Variants in GPR62 observed in about 807,000 individuals in gnomAD.
The protein encoded by GPR62 is G-protein coupled receptor GPCR8.
For synonymous variants in GPR62, 280 were observed against 286.9 expected (o/e 0.98, Z 0.24); for missense variants, 513 against 541.5 (o/e 0.95, Z 0.52).
At position 51,955,663 on chromosome 3, in the gene GPR62, C is replaced by T; in HGVS notation, c.11C>T (p.Ser4Phe). MAN[S>F]TGLNASEVAG... ...AGCCTGAGAGCCCAAATGGCCAACT[C>T]CACAGGGCTGAACGCCTCAGAAGTC... The change falls in exon 1 of 1, where the codon TCC becomes TTC. Residue 4 changes from serine to phenylalanine, a missense_variant. Physicochemically the swap from Ser to Phe is radical, Grantham distance 155. Transcript: ENST00000322241. The T allele has an allele frequency of 6.2e-7, 1 of 1,603,472 alleles. No individual in the cohort carries two copies. Among genetic ancestry groups the T allele is most frequent in the Non-Finnish European group, 8.5e-7 (1 of 1,174,652 alleles).
Position 51,955,633 on chromosome 3 carries a change from G to C in GPR62, c.-20G>C, listed in dbSNP as rs754321288. On this transcript the variant is annotated 5_prime_UTR_variant, in exon 1 of 1. Transcript: ENST00000322241. The stretch of plus-strand genomic sequence containing the variant: ...TTCTGCCATCTACATCCCAGCGCAG[G>C]GTGAAGCCTGAGAGCCCAAATGGCC... 1 of 1,556,280 alleles carries C rather than the reference G, an allele frequency of 6.4e-7. No individual in the cohort carries two copies. Among genetic ancestry groups the C allele is most frequent in the Non-Finnish European group, 8.7e-7 (1 of 1,147,982 alleles).
Position 51,956,017 on chromosome 3 carries a change from G to A in GPR62, c.365G>A (p.Arg122Gln), listed in dbSNP as rs1192106549. The change falls in exon 1 of 1, where the codon CGG (arginine) becomes CAG (glutamine). Residue 122 changes from arginine to glutamine, a missense_variant. Arg to Gln is a conservative substitution (Grantham distance 43, BLOSUM62 1). Coordinates refer to ENST00000322241, the MANE Select transcript of GPR62 (RefSeq NM_080865.4). Reference protein sequence around the residue: ...ARYRLIVHPLRPGSRPPPVLV... With the variant: ...ARYRLIVHPLQPGSRPPPVLV... The stretch of plus-strand genomic sequence containing the variant: ...TACCGCCTCATCGTGCACCCGCTGC[G>A]GCCAGGCTCGCGGCCGCCGCCTGTG... 4 of 1,432,038 alleles carry A rather than the reference G, an allele frequency of 2.8e-6. No homozygotes were observed. In the African/African-American group the frequency reaches 6.0e-5, roughly 21 times the overall value. The allele number at this position is 1,432,038 out of a possible 1,614,324, so 88.7% of individuals were successfully genotyped here.
Position 51,955,826 on chromosome 3 carries a change from C to T in GPR62, c.174C>T (p.Asp58=), listed in dbSNP as rs748108216. ...ALYLAHLCVV[D]LLAAASIMPL... ...ACCTGGCGCACCTGTGCGTCGTGGA[C>T]CTGCTGGCGGCCGCCTCCATCATGC... Residue 58 remains aspartate, a synonymous_variant, in exon 1 of 1, where the codon GAC becomes GAT. Coordinates refer to ENST00000322241, the MANE Select transcript of GPR62 (RefSeq NM_080865.4). 8.5e-6 allele frequency: 13 copies of T among 1,537,328 alleles called. No homozygotes were observed. The South Asian group carries it at 1.2e-4, about 14-fold the overall frequency.
rs576440931 is a variant in GPR62, at chr3:51,955,673, G to C, written c.21G>C (p.Leu7=). The C allele has an allele frequency of 2.5e-6, 4 of 1,608,698 alleles. No homozygotes were observed. In the African/African-American group the frequency reaches 4.0e-5, roughly 16 times the overall value. The change falls in exon 1 of 1, where the codon CTG becomes CTC. Residue 7 remains leucine, a synonymous_variant. Coordinates refer to ENST00000322241, the MANE Select transcript of GPR62 (RefSeq NM_080865.4). The stretch of plus-strand genomic sequence containing the variant: ...CCCAAATGGCCAACTCCACAGGGCT[G>C]AACGCCTCAGAAGTCGCAGGCTCGT... MANSTG[L]NASEVAGSLG...
At position 51,956,593 on chromosome 3, in the gene GPR62, G is replaced by A. The variant is rs1699854156; in HGVS notation, c.941G>A (p.Arg314Gln). 3.1e-6 allele frequency: 5 copies of A among 1,612,098 alleles called. No individual in the cohort carries two copies. The highest frequency in any genetic ancestry group is 4.2e-6 in the Non-Finnish European group (5 of 1,179,864). The change falls in exon 1 of 1, where the codon CGG (arginine) becomes CAG (glutamine). Residue 314 changes from arginine (R) to glutamine (Q), a missense_variant. By Grantham distance (43) the Arg-to-Gln change is conservative (BLOSUM62 1). Transcript: ENST00000322241. ...CGCCGTGCACTGCCTGGACCTGTGC[G>A]GGCCTGCACTCCGCAAGCCTGGCAC... is the stretch of plus-strand genomic sequence containing the variant. ...LSRRALPGPV[R>Q]ACTPQAWHPR...
rs1227610967 is a variant in GPR62 at position 51,955,965 on chromosome 3, G to T, written c.313G>T (p.Gly105Trp). 2 of 1,424,546 alleles carry T rather than the reference G, an allele frequency of 1.4e-6. No homozygotes were observed. The highest frequency in any genetic ancestry group is 1.8e-6 in the Non-Finnish European group (2 of 1,089,386). The allele number at this position is 1,424,546 out of a possible 1,614,324, so 88.2% of individuals were successfully genotyped here. ...SAALLPACTLGVAALGLARYR... is the reference protein window; with the variant it reads ...SAALLPACTLWVAALGLARYR... ...CGCTCTGCTGCCGGCCTGCACGCTC[G>T]GGGTGGCCGCACTTGGCCTGGCACG... Residue 105 changes from glycine (G) to tryptophan (W), a missense_variant, in exon 1 of 1, where the codon GGG becomes TGG. By Grantham distance (184) the Gly-to-Trp change is radical (BLOSUM62 -2). Coordinates refer to ENST00000322241, the MANE Select transcript of GPR62 (RefSeq NM_080865.4).
In GPR62 at chr3:51,956,199, C is replaced by A. The variant is rs752527653; in HGVS notation, c.547C>A (p.Leu183Met). The stretch of plus-strand genomic sequence containing the variant: ...GCTCTGGGCCCTGCTGGCCTTCGCG[C>A]TGCCCGCCCTCCTGCTGCTCGGCGC... ...RPLWALLAFA[L>M]PALLLLGAYG... Residue 183 changes from leucine to methionine, a missense_variant, in exon 1 of 1, where the codon CTG becomes ATG. Physicochemically the swap from Leu to Met is conservative, Grantham distance 15. Coordinates refer to ENST00000322241, the MANE Select transcript of GPR62 (RefSeq NM_080865.4). The A allele has an allele frequency of 2.6e-6, 4 of 1,512,394 alleles. No homozygotes were observed. Among genetic ancestry groups the A allele is most frequent in the Non-Finnish European group, 3.5e-6 (4 of 1,142,060 alleles). The allele number at this position is 1,512,394 out of a possible 1,614,324, so 93.7% of individuals were successfully genotyped here. A position where few individuals can be genotyped will look rare whatever the true frequency, so the allele number is the denominator to read the frequency against.
At position 51,955,568 on chromosome 3, in the gene GPR62, C is replaced by A. The variant is rs1481075334; in HGVS notation, c.-85C>A. The A allele has an allele frequency of 8.5e-7, 1 of 1,181,924 alleles. No individual in the cohort carries two copies. Among genetic ancestry groups the A allele is most frequent in the Non-Finnish European group, 1.2e-6 (1 of 853,596 alleles). The allele number at this position is 1,181,924 out of a possible 1,614,324, so 73.2% of individuals were successfully genotyped here. A position where few individuals can be genotyped will look rare whatever the true frequency, so the allele number is the denominator to read the frequency against. ...CCGGAGGAGCAAGGGACAAGAGGAGCAGAGGACAGGTGATGGAAATCCTGC... is the reference window on the plus strand; with the variant it reads ...CCGGAGGAGCAAGGGACAAGAGGAGAAGAGGACAGGTGATGGAAATCCTGC... On this transcript the variant is annotated 5_prime_UTR_variant, in exon 1 of 1. Coordinates refer to ENST00000322241, the MANE Select transcript of GPR62 (RefSeq NM_080865.4).
At position 51,957,009 on chromosome 3, in the gene GPR62, C is replaced by T. The variant is rs981478236; in HGVS notation, c.*250C>T. On this transcript the variant is annotated 3_prime_UTR_variant, in exon 1 of 1. Coordinates refer to ENST00000322241, the MANE Select transcript of GPR62 (RefSeq NM_080865.4). ...CACCCTGCAGCATCTCTAAGGGCCC[C>T]TCCAGCATAGGTGGTTTGTGAAACT... The T allele has an allele frequency of 3.0e-5, 16 of 531,788 alleles. No individual in the cohort carries two copies. Among genetic ancestry groups the T allele is most frequent in the Non-Finnish European group, 2.2e-5 (7 of 323,130 alleles). The allele number at this position is 531,788 out of a possible 1,614,324, so 32.9% of individuals were successfully genotyped here. A position where few individuals can be genotyped will look rare whatever the true frequency, so the allele number is the denominator to read the frequency against.
In GPR62 at chr3:51,955,603, C is replaced by T. The variant is rs1452144371; in HGVS notation, c.-50C>T. ...GTGATGGAAATCCTGCAGCTTTAGG[C>T]TCCATTCTGCCATCTACATCCCAGC... On this transcript the variant is annotated 5_prime_UTR_variant, in exon 1 of 1. Coordinates refer to ENST00000322241, the MANE Select transcript of GPR62 (RefSeq NM_080865.4). 7.0e-7 allele frequency: 1 copy of T among 1,421,326 alleles called. No individual in the cohort carries two copies. Among genetic ancestry groups the T allele is most frequent in the South Asian group, 1.3e-5 (1 of 74,834 alleles). 88.0% of individuals were successfully genotyped at this position (1,421,326 alleles called of 1,614,324 possible).
chr3:51,955,796 G>A lies in GPR62; in HGVS notation c.144G>A (p.Ala48=). ...TGCGCACGCCGGGACTGCGCGACGC[G>A]CTCTACCTGGCGCACCTGTGCGTCG... ...VVLRTPGLRD[A]LYLAHLCVVD... Residue 48 remains alanine (A), a synonymous_variant, in exon 1 of 1, where the codon GCG becomes GCA. Transcript: ENST00000322241. The A allele has an allele frequency of 6.3e-7, 1 of 1,582,262 alleles. No homozygotes were observed. Among genetic ancestry groups the A allele is most frequent in the Non-Finnish European group, 8.6e-7 (1 of 1,166,298 alleles).
chr3:51,955,581 A>G lies in GPR62; in HGVS notation c.-72A>G. On this transcript the variant is annotated 5_prime_UTR_variant, in exon 1 of 1. The change abolishes an upstream ATG in the 5' untranslated region. Coordinates refer to ENST00000322241, the MANE Select transcript of GPR62 (RefSeq NM_080865.4). ...GGACAAGAGGAGCAGAGGACAGGTG[A>G]TGGAAATCCTGCAGCTTTAGGCTCC... 7.7e-7 allele frequency: 1 copy of G among 1,295,728 alleles called. No individual in the cohort carries two copies. The allele number at this position is 1,295,728 out of a possible 1,614,324, so 80.3% of individuals were successfully genotyped here.
In GPR62 at chr3:51,955,778, G is replaced by T. The variant is rs1395627001; in HGVS notation, c.126G>T (p.Thr42=). 3 of 1,596,464 alleles carry T rather than the reference G, an allele frequency of 1.9e-6. No individual in the cohort carries two copies. Among genetic ancestry groups the T allele is most frequent in the Non-Finnish European group, 2.6e-6 (3 of 1,172,342 alleles). Residue 42 remains threonine, a synonymous_variant, in exon 1 of 1, where the codon ACG becomes ACT. Coordinates refer to ENST00000322241, the MANE Select transcript of GPR62 (RefSeq NM_080865.4). ...CGCTGCTGGTCGTGGTGCTGCGCAC[G>T]CCGGGACTGCGCGACGCGCTCTACC... ...NGALLVVVLR[T]PGLRDALYLA...
chr3:51,956,072 G>A lies in GPR62; in HGVS notation c.420G>A (p.Ala140=), dbSNP rs1241538108. Residue 140 remains alanine, a synonymous_variant, in exon 1 of 1, where the codon GCG becomes GCA. Transcript: ENST00000322241. ...TGCTCACCGCCGTGTGGGCCGCGGC[G>A]GGACTGCTGGGCGCGCTCTCCCTGC... ...VLVLTAVWAA[A]GLLGALSLLG... is the part of the protein sequence containing the mutation. 4.9e-6 allele frequency: 7 copies of A among 1,421,360 alleles called. No individual in the cohort carries two copies. Among genetic ancestry groups the A allele is most frequent in the Non-Finnish European group, 6.4e-6 (7 of 1,093,788 alleles). The allele number at this position is 1,421,360 out of a possible 1,614,324, so 88.0% of individuals were successfully genotyped here.
Position 51,956,032 on chromosome 3 carries a change from C to T in GPR62, c.380C>T (p.Pro127Leu). 1.4e-6 allele frequency: 2 copies of T among 1,433,136 alleles called. No individual in the cohort carries two copies. The highest frequency in any genetic ancestry group is 1.3e-5 in the South Asian group (1 of 74,172). 88.8% of individuals were successfully genotyped at this position (1,433,136 alleles called of 1,614,324 possible). The change falls in exon 1 of 1, where the codon CCG becomes CTG. Residue 127 changes from proline (P) to leucine (L), a missense_variant. By Grantham distance (98) the Pro-to-Leu change is moderately conservative (BLOSUM62 -3). Coordinates refer to ENST00000322241, the MANE Select transcript of GPR62 (RefSeq NM_080865.4). Reference sequence around the variant, plus strand: ...CACCCGCTGCGGCCAGGCTCGCGGCCGCCGCCTGTGCTCGTGCTCACCGCC... The same window carrying T: ...CACCCGCTGCGGCCAGGCTCGCGGCTGCCGCCTGTGCTCGTGCTCACCGCC... ...IVHPLRPGSR[P>L]PPVLVLTAVW...
Position 51,957,058 on chromosome 3 carries a change from T to C in GPR62, c.*299T>C. ...CTCACAGGTGGTCCCCAGGCCAAGA[T>C]GGGCAGGTGTCACAAAGAAGAGGGC... On this transcript the variant is annotated 3_prime_UTR_variant, in exon 1 of 1. Coordinates refer to ENST00000322241, the MANE Select transcript of GPR62 (RefSeq NM_080865.4). 5 of 405,132 alleles carry C rather than the reference T, an allele frequency of 1.2e-5. No individual in the cohort carries two copies. Among genetic ancestry groups the C allele is most frequent in the Non-Finnish European group, 2.2e-5 (5 of 223,240 alleles). The allele number at this position is 405,132 out of a possible 1,614,324, so 25.1% of individuals were successfully genotyped here. A position where few individuals can be genotyped will look rare whatever the true frequency, so the allele number is the denominator to read the frequency against.
Position 51,956,437 on chromosome 3 carries a change from T to G in GPR62, c.785T>G (p.Leu262Arg), listed in dbSNP as rs1224223015. The part of the protein sequence containing the change: ...ACWLPYGCAC[L>R]APAARAAEAE... Reference sequence around the variant, plus strand: ...TGGCTGCCTTATGGCTGCGCGTGCCTGGCGCCCGCAGCGCGGGCCGCGGAA... The same window carrying G: ...TGGCTGCCTTATGGCTGCGCGTGCCGGGCGCCCGCAGCGCGGGCCGCGGAA... The change falls in exon 1 of 1, where the codon CTG becomes CGG. Residue 262 changes from leucine (L) to arginine (R), a missense_variant. Physicochemically the swap from Leu to Arg is moderately radical, Grantham distance 102 (BLOSUM62 -2). Coordinates refer to ENST00000322241, the MANE Select transcript of GPR62 (RefSeq NM_080865.4). 10 of 1,527,676 alleles carry G rather than the reference T, an allele frequency of 6.5e-6. No individual in the cohort carries two copies. The highest frequency in any genetic ancestry group is 8.7e-6 in the Non-Finnish European group (10 of 1,144,680). 94.6% of individuals were successfully genotyped at this position (1,527,676 alleles called of 1,614,324 possible).
Position 51,956,154 on chromosome 3 carries a change from G to A in GPR62, c.502G>A (p.Gly168Ser). The A allele has an allele frequency of 6.8e-7, 1 of 1,475,458 alleles. No individual in the cohort carries two copies. The highest frequency in any genetic ancestry group is 8.9e-7 in the Non-Finnish European group (1 of 1,122,364). The allele number at this position is 1,475,458 out of a possible 1,614,324, so 91.4% of individuals were successfully genotyped here. The change falls in exon 1 of 1, where the codon GGC becomes AGC. Residue 168 changes from glycine to serine, a missense_variant. By Grantham distance (56) the Gly-to-Ser change is moderately conservative. Transcript: ENST00000322241. ...TGCTCGCTGCTCGGTCCTGGCTGGG[G>A]GCCTCGGGCCCTTCCGGCCGCTCTG... ...APARCSVLAG[G>S]LGPFRPLWAL...
chr3:51,956,314 A>G lies in GPR62; in HGVS notation c.662A>G (p.Asp221Gly), dbSNP rs761782506. The G allele has an allele frequency of 1.3e-6, 2 of 1,574,616 alleles. No homozygotes were observed. The highest frequency in any genetic ancestry group is 2.4e-5 in the East Asian group (1 of 42,378). Reference protein sequence around the residue: ...RGSRLHSDSLDSRLSILPPLR... With the variant: ...RGSRLHSDSLGSRLSILPPLR... ...TCCCGACTCCACTCGGACTCTCTGG[A>G]TAGCCGCCTTTCCATCTTGCCGCCG... Residue 221 changes from aspartate to glycine, a missense_variant, in exon 1 of 1, where the codon GAT (aspartate) becomes GGT (glycine). Coordinates refer to ENST00000322241, the MANE Select transcript of GPR62 (RefSeq NM_080865.4).
Sources: allele counts gnomAD v4.1 joint callset, GRCh38; gene constraint gnomAD v4.1.1; transcripts MANE v1.5; gene names NCBI Gene and HGNC (gene_info 2026-07-23, HGNC 2026-07-21).